ABCB11: variants seen among roughly 807,000 people sequenced by gnomAD.
ABCB11 encodes ATP binding cassette subfamily B member 11, also known as bile salt export pump.
ABCB11 carries 95 observed loss-of-function variants against 148.0 expected under a neutral mutation model. The observed-to-expected ratio is 0.64, with a 90% CI of 0.54 to 0.76. The LOEUF (loss-of-function observed/expected upper bound fraction) is 0.76, where lower values mean the gene tolerates loss of function less well. Among genes scored for constraint, ABCB11 ranks in the 30% least tolerant of loss-of-function variants. The pLI, the probability that ABCB11 is intolerant of heterozygous loss-of-function variation, is 0.00. For missense variants in ABCB11, 1,523 were observed against 1,617.8 expected (o/e 0.94, Z 1.01); for synonymous variants, 591 against 555.4 (o/e 1.06, Z -0.90).
Position 168,944,755 on chromosome 2 carries a change from A to T in ABCB11, c.2460T>A (p.Phe820Leu). The T allele has an allele frequency of 6.2e-7, 1 of 1,612,616 alleles. No individual in the cohort carries two copies. Among genetic ancestry groups the T allele is most frequent in the Non-Finnish European group, 8.5e-7 (1 of 1,179,068 alleles). ...LFTQFLQGYA[F>L]AKSGELLTKR... ...TTGTTAGGAGCTCCCCAGATTTAGC[A>T]AAGGCATATCCCTAAAACATGAAGA... is the stretch of plus-strand genomic sequence containing the variant. Residue 820 changes from phenylalanine to leucine, a missense_variant, in exon 21 of 28, where the codon TTT becomes TTA. Phe to Leu is a conservative substitution (Grantham distance 22, BLOSUM62 0). Coordinates refer to ENST00000650372, the MANE Select transcript of ABCB11 (RefSeq NM_003742.4).
intron 11 of ABCB11, among the ~76,000 whole-genome samples, chr2:168,978,430 C>A (rs1694010470): frequency 6.6e-6 from 1 of 152,014 alleles, no homozygotes; most frequent in Non-Finnish European, 1.5e-5. Flanking sequence ...GCCACCATGC[C>A]TGGCCATCAA....
At chr2:168,988,862 T>A (rs1694418663) in intron 9 of ABCB11, among the ~76,000 whole-genome samples, 1 of 152,160 alleles carries the variant, frequency 6.6e-6, no homozygotes, top group Non-Finnish European at 1.5e-5. Flanking sequence ...CCTTGATGAT[T>A]AGTGATGTGT....
At chr2:168,917,432 G>C (rs1021478355), downstream of ABCB11, among the ~76,000 whole-genome samples, 1 of 152,092 alleles carries the variant, frequency 6.6e-6, no homozygotes. Flanking sequence ...TTTGGGAAGA[G>C]GTCCTCAGGA....
At chr2:169,014,238 C>G in intron 4 of ABCB11, 65 bp downstream of exon 4, 3 of 1,456,988 alleles carry the variant, frequency 2.1e-6, no homozygotes, top group Non-Finnish European at 2.9e-6. Flanking sequence ...ATTTAACACT[C>G]CCCTCATGAT....
downstream of ABCB11, among the ~76,000 whole-genome samples, chr2:168,919,924 G>A (rs1574384537): frequency 6.6e-6 from 1 of 151,896 alleles, no homozygotes; most frequent in Non-Finnish European, 1.5e-5. Flanking sequence ...CCAGGCTGGA[G>A]GGCAGTGGCG....
At position 168,976,613 on chromosome 2, in the gene ABCB11, A is replaced by G. The variant is rs918168355; in HGVS notation, c.1272T>C (p.Asn424=). The change falls in exon 12 of 28, where the codon AAT becomes AAC. Residue 424 remains asparagine (N), a synonymous_variant. Transcript: ENST00000650372. ...GTCTGGAAGGATAATGGAAGGTCACATTATGGAATTCAATTTCACCCTTGA... is the reference window on the plus strand; with the variant it reads ...GTCTGGAAGGATAATGGAAGGTCACGTTATGGAATTCAATTTCACCCTTGA... The part of the protein sequence containing the change: ...DRIKGEIEFH[N]VTFHYPSRPE... The G allele has an allele frequency of 4.4e-6, 7 of 1,609,144 alleles. No homozygotes were observed. The highest frequency in any genetic ancestry group is 1.3e-5 in the African/African-American group (1 of 74,948).
rs1228918263 is a variant in ABCB11 at position 168,923,587 on chromosome 2, G to A, written c.*35C>T. ...TTCTTTAAAAACAACCCCTGTAACT[G>A]GTGCGTCATGTGTGTCTGAGATTCT... On this transcript the variant is annotated 3_prime_UTR_variant, in exon 28 of 28. Transcript: ENST00000650372. 1.2e-6 allele frequency: 2 copies of A among 1,600,510 alleles called. No homozygotes were observed. The highest frequency in any genetic ancestry group is 1.7e-6 in the Non-Finnish European group (2 of 1,167,818).
At chr2:168,967,882 T>G (rs1344512998) in intron 17 of ABCB11, among the ~76,000 whole-genome samples, 1 of 151,934 alleles carries the variant, frequency 6.6e-6, no homozygotes, top group East Asian at 1.9e-4. Flanking sequence ...AGCTTTATAT[T>G]GATCCAGGGA....
intron 5 of ABCB11, among the ~76,000 whole-genome samples, chr2:168,998,414 T>A (rs760231788): frequency 1.3e-5 from 2 of 151,996 alleles, no homozygotes; most frequent in Non-Finnish European, 2.9e-5. Flanking sequence ...CAATAATACA[T>A]TGACTATTTC....
At chr2:168,974,505 A>T (rs1031644853) in intron 12 of ABCB11, among the ~76,000 whole-genome samples, 106 of 152,006 alleles carry the variant, frequency 7.0e-4, no homozygotes, top group African/African-American at 2.5e-3. Context: ...TCTGTGTCAC[A>T]AAACCTCACG....
rs201167123 is a variant in ABCB11 at position 168,969,130 on chromosome 2, AAG to A, written c.2011+218_2011+219del. 0.043 allele frequency among the ~76,000 whole-genome samples: 6,307 copies of A among 148,194 alleles called. 207 individuals carry two copies. The highest frequency in any genetic ancestry group is 0.094 in the African/African-American group (3,780 of 40,390). On this transcript the variant is annotated intron_variant, in intron 16 of 27. Coordinates refer to ENST00000650372, the MANE Select transcript of ABCB11 (RefSeq NM_003742.4). ...TTGCGCAGGGTTAAAAAAAAAAAAA[AAG>A]GGGGGGATGGAATTGAAAGTTAGAA...
chr2:168,925,686 C>G (rs2105879073), intron 26 of ABCB11, among the ~76,000 whole-genome samples: 1 of 152,306 alleles, frequency 6.6e-6, no homozygotes, highest in East Asian at 1.9e-4. Context: ...ACAACACGAG[C>G]TGTTTCCTTT....
At chr2:168,929,121 TAATC>T (rs1216053294) in intron 25 of ABCB11, among the ~76,000 whole-genome samples, 1 of 152,160 alleles carries the variant, frequency 6.6e-6, no homozygotes, top group African/African-American at 2.4e-5. Flanking sequence ...ATTAAACAAT[TAATC>T]AAGTATGAAG....
chr2:168,954,150 T>C (rs1196271116), intron 19 of ABCB11, among the ~76,000 whole-genome samples: 1 of 151,654 alleles, frequency 6.6e-6, no homozygotes, highest in Non-Finnish European at 1.5e-5. Flanking sequence ...AGGTTAATAT[T>C]GATATGTGAG....
intron 3 of ABCB11, among the ~76,000 whole-genome samples, chr2:169,016,023 A>G (rs1333382234): frequency 6.6e-6 from 1 of 152,114 alleles, no homozygotes; most frequent in Non-Finnish European, 1.5e-5. Flanking sequence ...ATTTGCTGTG[A>G]TCTTCTCATT....
intron 5 of ABCB11, among the ~76,000 whole-genome samples, chr2:169,010,662 C>T (rs942611311): frequency 6.6e-6 from 1 of 152,172 alleles, no homozygotes; most frequent in Non-Finnish European, 1.5e-5. Flanking sequence ...ATATAAACTA[C>T]TTACAGGTAG....
At position 168,986,129 on chromosome 2, in the gene ABCB11, G is replaced by A. The variant is rs767525336; in HGVS notation, c.1064C>T (p.Thr355Ile). 2 of 1,610,546 alleles carry A rather than the reference G, an allele frequency of 1.2e-6. No homozygotes were observed. Among genetic ancestry groups the A allele is most frequent in the South Asian group, 1.1e-5 (1 of 90,618 alleles). The change falls in exon 10 of 28, where the codon ACA becomes ATA. Residue 355 changes from threonine to isoleucine, a missense_variant. Thr to Ile is a moderately conservative substitution (Grantham distance 89). Transcript: ENST00000650372. Reference protein sequence around the residue: ...STLVLDEGEYTPGTLVQIFLS... With the variant: ...STLVLDEGEYIPGTLVQIFLS... ...AGGTACCTGGACAAGGGTTCCTGGT[G>A]TATATTCTCCTTCATCCAGGACAAG... is the stretch of plus-strand genomic sequence containing the variant.
intron 21 of ABCB11, among the ~76,000 whole-genome samples, chr2:168,943,706 G>A (rs924507504): frequency 6.6e-6 from 1 of 151,944 alleles, no homozygotes; most frequent in Admixed American, 6.6e-5. Context: ...TCCATGATCC[G>A]TTGAAATTCT....
intron 16 of ABCB11, 110 bp downstream of exon 16, chr2:168,969,240 T>C (rs1413294724): frequency 2.5e-5 from 26 of 1,019,972 alleles, no homozygotes; most frequent in Non-Finnish European, 3.2e-5. Flanking sequence ...ATATAACGCC[T>C]GCCAGAGTTG....
Sources: gnomAD v4.1 joint callset for allele counts (sites outside exome capture counted in the v4.1 genomes callset) on GRCh38, gnomAD v4.1.1 for gene constraint, MANE v1.5 for transcripts, NCBI Gene and HGNC (gene_info 2026-07-23, HGNC 2026-07-21) for gene names.